The following PRKCA variants were observed in gnomAD, a reference collection of about 807,000 sequenced individuals.
PRKCA encodes the protein protein kinase C alpha.
Under a neutral mutation model 87.0 loss-of-function variants are expected in PRKCA, and 27 were observed. The ratio of observed to expected loss-of-function variants is 0.31; its 90% CI spans 0.23 to 0.43. PRKCA has a LOEUF of 0.43. Among genes scored for constraint, PRKCA ranks in the 20% least tolerant of loss-of-function variants. The probability of loss-of-function intolerance (pLI) is 1.00; values close to 1 mark genes in which losing one functional copy is unlikely to be tolerated. For synonymous variants in PRKCA, 329 were observed against 311.1 expected, an observed-to-expected ratio of 1.06 and a Z score of -0.61; for missense variants, 518 against 852.3, an observed-to-expected ratio of 0.61 and a Z score of 4.88.
In PRKCA at chr17:66,680,648, A is replaced by C. The variant is rs148600434; in HGVS notation, c.530-6463A>C. On this transcript the variant is annotated intron_variant, in intron 5 of 16. Transcript: ENST00000413366. ...GTCAGTGCTGACAAGTCTGGTCCTC[A>C]GGCAACAGGGATACAGCTGTGTCCT... is the stretch of plus-strand genomic sequence containing the variant. Among the ~76,000 whole-genome samples the C allele has an allele frequency of 5.9e-3, 892 of 152,300 alleles. 12 individuals are homozygous for C. Among genetic ancestry groups the C allele is most frequent in the African/African-American group, 0.018 (767 of 41,560 alleles).
chr17:66,564,216 T>G (rs947916951), intron 3 of PRKCA, among the ~76,000 whole-genome samples: 13 of 152,012 alleles, frequency 8.6e-5, no homozygotes, highest in Non-Finnish European at 1.5e-4. Context: ...GTAGCTAGAA[T>G]TACATTTGCC....
intron 2 of PRKCA, among the ~76,000 whole-genome samples, chr17:66,317,015 G>A (rs944981697): frequency 1.9e-4 from 29 of 151,898 alleles, no homozygotes; most frequent in African/African-American, 6.8e-4. Flanking sequence ...GGTGGCGGGC[G>A]CCTGTAGTCC....
chr17:66,569,662 A>C (rs554159224), intron 3 of PRKCA, among the ~76,000 whole-genome samples: 1 of 152,330 alleles, frequency 6.6e-6, no homozygotes, highest in South Asian at 2.1e-4. Flanking sequence ...GAAAGAGGAT[A>C]TAAAAATGGA....
chr17:66,352,228 A>G (rs962498174), intron 2 of PRKCA, among the ~76,000 whole-genome samples: 9 of 152,298 alleles, frequency 5.9e-5, no homozygotes, highest in African/African-American at 1.7e-4. Flanking sequence ...AGAGCAAGCC[A>G]TAGGGTCCGG....
intron 3 of PRKCA, among the ~76,000 whole-genome samples, chr17:66,592,363 T>TAAAAAAAAAAAA (rs1969837014): frequency 1.2e-5 from 1 of 85,130 alleles, no homozygotes; most frequent in Non-Finnish European, 2.3e-5. Flanking sequence ...AAAAAAAAAG[T>TAAAAAAAAAAAA]TACCATTGGC....
intron 3 of PRKCA, among the ~76,000 whole-genome samples, chr17:66,608,121 AAGCACACCGATTGG>A (rs1004378310): frequency 3.3e-4 from 50 of 151,872 alleles, no homozygotes; most frequent in South Asian, 8.3e-4. Context: ...ACACCGACTG[AAGCACACCGATTGG>A]AGCACACCGA....
chr17:66,511,706 A>G, intron 3 of PRKCA, among the ~76,000 whole-genome samples: 1 of 146,058 alleles, frequency 6.8e-6, no homozygotes, highest in African/African-American at 2.5e-5. Context: ...TTTGAGATGG[A>G]GTCTCGCTCT....
intron 2 of PRKCA, among the ~76,000 whole-genome samples, chr17:66,424,528 C>G (rs1409872974): frequency 6.8e-6 from 1 of 147,804 alleles, no homozygotes; most frequent in East Asian, 2.1e-4. Flanking sequence ...GATGGCACCA[C>G]TGCACTATAG....
chr17:66,460,694 G>A, intron 2 of PRKCA, among the ~76,000 whole-genome samples: 1 of 152,182 alleles, frequency 6.6e-6, no homozygotes, highest in East Asian at 1.9e-4. Context: ...AGCTGATGGG[G>A]CAGACCAGCA....
intron 5 of PRKCA, among the ~76,000 whole-genome samples, chr17:66,662,361 A>T (rs978118426): frequency 1.2e-4 from 18 of 152,248 alleles, no homozygotes; most frequent in South Asian, 4.2e-4. Flanking sequence ...CTTCCTGTTT[A>T]ATTTCCCTTT....
chr17:66,572,911 C>T (rs937459773), intron 3 of PRKCA, among the ~76,000 whole-genome samples: 1 of 152,132 alleles, frequency 6.6e-6, no homozygotes, highest in African/African-American at 2.4e-5. Context: ...ATACAGAGTC[C>T]TGTAATTCAG....
At chr17:66,513,758 A>T (rs1202455053) in intron 3 of PRKCA, among the ~76,000 whole-genome samples, 5 of 152,232 alleles carry the variant, frequency 3.3e-5, no homozygotes, top group African/African-American at 1.2e-4. Flanking sequence ...ACATAGAAAA[A>T]TGCTTATATG....
chr17:66,446,367 A>G (rs1264083200), intron 2 of PRKCA, among the ~76,000 whole-genome samples: 1 of 152,164 alleles, frequency 6.6e-6, no homozygotes, highest in African/African-American at 2.4e-5. Flanking sequence ...CTTAAGGTGC[A>G]GCACCCCCAT....
At chr17:66,680,847 C>G (rs890935028) in intron 5 of PRKCA, among the ~76,000 whole-genome samples, 1 of 152,104 alleles carries the variant, frequency 6.6e-6, no homozygotes, top group Admixed American at 6.6e-5. Context: ...GTGTTGCCAC[C>G]GATCTAGCTT....
chr17:66,306,342 A>G (rs1011607224), intron 2 of PRKCA: 4 of 386,156 alleles, frequency 1.0e-5, no homozygotes, highest in African/African-American at 2.1e-5. Context: ...AAAAAAAAAA[A>G]GCCTTTCTGT....
intron 2 of PRKCA, among the ~76,000 whole-genome samples, chr17:66,352,418 A>G (rs1347344027): frequency 6.6e-6 from 1 of 152,114 alleles, no homozygotes; most frequent in Non-Finnish European, 1.5e-5. Flanking sequence ...CTCTGCAGAC[A>G]GCCCAGGAGT....
At chr17:66,356,424 A>G (rs1908056084) in intron 2 of PRKCA, among the ~76,000 whole-genome samples, 1 of 152,162 alleles carries the variant, frequency 6.6e-6, no homozygotes, top group African/African-American at 2.4e-5. Flanking sequence ...TCACAAGGTC[A>G]GGAGATCGAG....
intron 8 of PRKCA, among the ~76,000 whole-genome samples, chr17:66,700,851 G>T (rs1973042509): frequency 6.6e-6 from 1 of 152,118 alleles, no homozygotes; most frequent in South Asian, 2.1e-4. Context: ...AATTAATATT[G>T]TCAAAATGTT....
chr17:66,357,051 C>T (rs1013431599), intron 2 of PRKCA, among the ~76,000 whole-genome samples: 2 of 152,222 alleles, frequency 1.3e-5, no homozygotes, highest in African/African-American at 4.8e-5. Flanking sequence ...TGAGCCACCA[C>T]GCCCAGCCAA....
Sources: allele counts gnomAD v4.1 joint callset (sites outside exome capture counted in the v4.1 genomes callset), GRCh38; gene constraint gnomAD v4.1.1; transcripts MANE v1.5; gene names NCBI Gene and HGNC (gene_info 2026-07-23, HGNC 2026-07-21).